The following AGBL1 variants were observed in gnomAD, a reference collection of about 807,000 sequenced individuals.
The protein encoded by AGBL1 is AGBL carboxypeptidase 1, also known as cytosolic carboxypeptidase 4.
In AGBL1, 130 loss-of-function variants were observed where a neutral mutation model predicts 118.9. That is an observed-to-expected ratio of 1.09 (90% CI 0.95 to 1.26). AGBL1 has a LOEUF of 1.26. Ranked by LOEUF, AGBL1 falls within the 50% of genes most tolerant of loss-of-function variation. The pLI, the probability that AGBL1 is intolerant of heterozygous loss-of-function variation, is 0.00. For missense variants in AGBL1, 1,584 were observed against 1,298.1 expected (o/e 1.22, Z -3.38); for synonymous variants, 555 against 478.9 (o/e 1.16, Z -2.08).
At chr15:86,212,562 T>G (rs74025019) in intron 5 of AGBL1, among the ~76,000 whole-genome samples, 1 of 152,238 alleles carries the variant, frequency 6.6e-6, no homozygotes, top group South Asian at 2.1e-4. Flanking sequence ...TAGTTCAGCA[T>G]GCCTGGAGTT....
chr15:86,285,961 T>C (rs1272870086), intron 16 of AGBL1, among the ~76,000 whole-genome samples: 9 of 152,228 alleles, frequency 5.9e-5, no homozygotes, highest in Non-Finnish European at 1.5e-5. Context: ...CTAACCTGCT[T>C]CCGCATATCT....
At chr15:86,684,858 C>T (rs2086026310) in intron 22 of AGBL1, among the ~76,000 whole-genome samples, 1 of 152,062 alleles carries the variant, frequency 6.6e-6, no homozygotes, top group Non-Finnish European at 1.5e-5. Flanking sequence ...AGAGTTGCAA[C>T]CCTGAATTCA....
At chr15:86,327,064 A>G (rs2080195319) in intron 17 of AGBL1, among the ~76,000 whole-genome samples, 2 of 152,130 alleles carry the variant, frequency 1.3e-5, no homozygotes, top group Admixed American at 1.3e-4. Context: ...CTGACCAGTG[A>G]TAGAGCAAAG....
chr15:86,526,359 C>T (rs1471734966), intron 19 of AGBL1, among the ~76,000 whole-genome samples: 1 of 151,954 alleles, frequency 6.6e-6, no homozygotes, highest in Non-Finnish European at 1.5e-5. Context: ...AATCCCACTA[C>T]TGGGTATCTA....
At chr15:86,800,568 G>A (rs1398538664) in intron 22 of AGBL1, among the ~76,000 whole-genome samples, 1 of 151,984 alleles carries the variant, frequency 6.6e-6, no homozygotes, top group African/African-American at 2.4e-5. Context: ...TTGCATAACT[G>A]GTTTACAAAT....
In AGBL1 at chr15:86,702,818, CT is replaced by C. The variant is rs954321597; in HGVS notation, c.3158+28391del. Reference sequence around the variant, plus strand: ...TGTTTCCAGGAGTTTCTTAGCTTCCCTTTTTTTTTCCTTGCCCAGTCTCCTG... The same window carrying C: ...TGTTTCCAGGAGTTTCTTAGCTTCCCTTTTTTTTCCTTGCCCAGTCTCCTG... On this transcript the variant is annotated intron_variant, in intron 22 of 22. Coordinates refer to ENST00000614907, the MANE Select transcript of AGBL1 (RefSeq NM_001386094.1). 1.5e-3 allele frequency among the ~76,000 whole-genome samples: 233 copies of C among 150,788 alleles called. 2 individuals are homozygous for C. The highest frequency in any genetic ancestry group is 5.4e-3 in the African/African-American group (223 of 41,072).
chr15:86,482,208 C>A (rs939744984), intron 18 of AGBL1, among the ~76,000 whole-genome samples: 2 of 152,168 alleles, frequency 1.3e-5, no homozygotes, highest in African/African-American at 4.8e-5. Context: ...CAAGGCTAGC[C>A]TTCAAGTACT....
At chr15:86,779,113 C>T (rs902767507) in intron 22 of AGBL1, among the ~76,000 whole-genome samples, 1 of 150,072 alleles carries the variant, frequency 6.7e-6, no homozygotes, top group South Asian at 2.1e-4. Flanking sequence ...CTCTTTGACT[C>T]ATCACCCTTC....
intron 22 of AGBL1, among the ~76,000 whole-genome samples, chr15:86,868,241 T>A (rs2079662988): frequency 6.6e-6 from 1 of 152,148 alleles, no homozygotes; most frequent in South Asian, 2.1e-4. Context: ...ATGATTTGGT[T>A]TAATGGGTCA....
intron 24 of AGBL1, among the ~76,000 whole-genome samples, chr15:86,989,282 T>C (rs1367744413): frequency 2.0e-5 from 3 of 152,196 alleles, no homozygotes; most frequent in African/African-American, 7.2e-5. Context: ...ATTACAGGCA[T>C]GAGCCACCAC....
chr15:86,323,403 A>G (rs1050578841), intron 17 of AGBL1, among the ~76,000 whole-genome samples: 1 of 124,528 alleles, frequency 8.0e-6, no homozygotes, highest in South Asian at 2.6e-4. Flanking sequence ...CATGTCAGGG[A>G]GAGTCATATT....
At chr15:86,844,950 G>A (rs1178070171) in intron 22 of AGBL1, among the ~76,000 whole-genome samples, 2 of 151,936 alleles carry the variant, frequency 1.3e-5, no homozygotes, top group African/African-American at 4.8e-5. Flanking sequence ...TCATTTATTG[G>A]TTAGCTTTTT....
chr15:86,103,752 G>A (rs1045162517), intron 1 of AGBL1, among the ~76,000 whole-genome samples: 5 of 152,220 alleles, frequency 3.3e-5, no homozygotes, highest in African/African-American at 9.6e-5. Context: ...GTTGCAGGCT[G>A]AGCATGCCTT....
At chr15:86,384,557 T>A (rs908368361) in intron 17 of AGBL1, among the ~76,000 whole-genome samples, 8 of 137,084 alleles carry the variant, frequency 5.8e-5, no homozygotes, top group Non-Finnish European at 1.2e-4. Flanking sequence ...TATTATTTTT[T>A]ATTCCCAGCA....
intron 20 of AGBL1, among the ~76,000 whole-genome samples, chr15:86,548,658 TGCAC>T (rs1299226691): frequency 2.3e-3 from 259 of 114,776 alleles, no homozygotes; most frequent in African/African-American, 7.2e-3. Context: ...CACACACACA[TGCAC>T]GCACACACAC....
At chr15:86,817,163 G>A (rs867002473) in intron 22 of AGBL1, among the ~76,000 whole-genome samples, 2 of 151,954 alleles carry the variant, frequency 1.3e-5, no homozygotes, top group Middle Eastern at 3.4e-3. Flanking sequence ...TGGTGGTCAG[G>A]TGGCTGTAAT....
intron 23 of AGBL1, among the ~76,000 whole-genome samples, chr15:86,980,208 A>G (rs1046943529): frequency 6.6e-6 from 1 of 152,210 alleles, no homozygotes; most frequent in Non-Finnish European, 1.5e-5. Context: ...ATTTTATCCA[A>G]TATTCTCTGA....
At chr15:86,158,901 G>T in intron 4 of AGBL1, 32 bp from the exon 5 acceptor site, 1 of 1,598,970 alleles carries the variant, frequency 6.3e-7, no homozygotes, top group South Asian at 1.1e-5. Flanking sequence ...ATCCACTTGT[G>T]ACCATAACTA....
chr15:86,357,273 G>T (rs2080736279), intron 17 of AGBL1, among the ~76,000 whole-genome samples: 1 of 152,314 alleles, frequency 6.6e-6, no homozygotes, highest in Middle Eastern at 3.4e-3. Context: ...CCAGTTAGAA[G>T]AATCTAAAAT....
Sources: allele counts gnomAD v4.1 joint callset (sites outside exome capture counted in the v4.1 genomes callset), GRCh38; gene constraint gnomAD v4.1.1; transcripts MANE v1.5; gene names NCBI Gene and HGNC (gene_info 2026-07-23, HGNC 2026-07-21).